DAAM1: variants seen among roughly 807,000 people sequenced by gnomAD.
DAAM1 encodes disheveled-associated activator of morphogenesis 1.
Under a neutral mutation model 130.0 loss-of-function variants are expected in DAAM1, and 52 were observed. The observed-to-expected ratio is 0.40, with a 90% CI of 0.32 to 0.50. The LOEUF (loss-of-function observed/expected upper bound fraction) is 0.50. Ranked by LOEUF, DAAM1 falls within the 20% of genes least tolerant of loss-of-function variation. The probability of loss-of-function intolerance (pLI) is 0.61; values close to 1 mark genes in which losing one functional copy is unlikely to be tolerated. For synonymous variants in DAAM1, 452 were observed against 444.5 expected (o/e 1.02, Z -0.21); for missense variants, 1,134 against 1,303.8 (o/e 0.87, Z 2.01).
intron 1 of DAAM1, among the ~76,000 whole-genome samples, chr14:59,218,840 T>C (rs987432514): frequency 3.3e-5 from 5 of 152,188 alleles, no homozygotes; most frequent in Non-Finnish European, 7.3e-5. Context: ...AGTTATAAAT[T>C]TATAAATACA....
At chr14:59,267,601 A>G (rs1298045559) in intron 2 of DAAM1, among the ~76,000 whole-genome samples, 1 of 152,198 alleles carries the variant, frequency 6.6e-6, no homozygotes, top group African/African-American at 2.4e-5. Flanking sequence ...GAATTGTGCA[A>G]CCATTACCAA....
chr14:59,207,095 G>A (rs911653727), intron 1 of DAAM1, among the ~76,000 whole-genome samples: 7 of 152,094 alleles, frequency 4.6e-5, no homozygotes, highest in African/African-American at 7.2e-5. Flanking sequence ...GTTAAGGGTC[G>A]TTCACAGGAG....
Position 59,326,993 on chromosome 14 carries a change from T to C in DAAM1, c.1372+2T>C. Reference sequence around the variant, plus strand: ...AACAAGCGGAAAAAATGAGAAAAGGTAAATAATGAGGCCCTGATAAGAGGC... The same window carrying C: ...AACAAGCGGAAAAAATGAGAAAAGGCAAATAATGAGGCCCTGATAAGAGGC... On this transcript the variant is annotated splice_donor_variant, in intron 12 of 24. Coordinates refer to ENST00000360909, the MANE Select transcript of DAAM1 (RefSeq NM_001270520.2). LOFTEE classifies it high-confidence loss of function. 6.2e-7 allele frequency: 1 copy of C among 1,613,922 alleles called. No homozygotes were observed. Among genetic ancestry groups the C allele is most frequent in the East Asian group, 2.2e-5 (1 of 44,826 alleles).
chr14:59,234,559 A>G (rs1465753519), intron 1 of DAAM1, among the ~76,000 whole-genome samples: 1 of 152,150 alleles, frequency 6.6e-6, no homozygotes, highest in Non-Finnish European at 1.5e-5. Flanking sequence ...ATATACAATC[A>G]TGTCATCTGC....
rs542983519 is a variant in DAAM1 at position 59,369,531 on chromosome 14, A to AT, written c.*678dup. On this transcript the variant is annotated 3_prime_UTR_variant, in exon 25 of 25. Coordinates refer to ENST00000360909, the MANE Select transcript of DAAM1 (RefSeq NM_001270520.2). Reference sequence around the variant, plus strand: ...TTGTATATTTAAAAGTTGGACATCAATTTTTTCCCCTGATTTCATCAAGTT... The same window carrying AT: ...TTGTATATTTAAAAGTTGGACATCAATTTTTTTCCCCTGATTTCATCAAGTT... The AT allele has an allele frequency of 2.4e-4, 37 of 152,502 alleles. No homozygotes were observed. Among genetic ancestry groups the AT allele is most frequent in the East Asian group, 7.7e-4 (4 of 5,178 alleles). The allele number at this position is 152,502 out of a possible 1,614,324, so 9.4% of individuals were successfully genotyped here. A position where few individuals can be genotyped will look rare whatever the true frequency, so the allele number is the denominator to read the frequency against.
chr14:59,368,999 A>T lies in DAAM1; in HGVS notation c.*140A>T. The T allele has an allele frequency of 1.4e-6, 1 of 690,846 alleles. No individual in the cohort carries two copies. 42.8% of individuals were successfully genotyped at this position (690,846 alleles called of 1,614,324 possible). A position where few individuals can be genotyped will look rare whatever the true frequency, so the allele number is the denominator to read the frequency against. On this transcript the variant is annotated 3_prime_UTR_variant, in exon 25 of 25. Transcript: ENST00000360909. ...AGTGAATGTGTGAACGTGTGTATGT[A>T]AATGTATGTGTGTATATATTAAAAA...
At chr14:59,357,855 G>A (rs532709604) in intron 20 of DAAM1, among the ~76,000 whole-genome samples, 8 of 152,238 alleles carry the variant, frequency 5.3e-5, no homozygotes, top group East Asian at 3.9e-4. Context: ...GTTGGCCACT[G>A]TTTTGCTTTG....
At chr14:59,305,012 A>G (rs61984463) in intron 3 of DAAM1, among the ~76,000 whole-genome samples, 10,669 of 152,280 alleles carry the variant, frequency 0.07, 452 homozygotes, top group Non-Finnish European at 0.098. Flanking sequence ...ATCAAAACCT[A>G]CTTTATGACA....
chr14:59,260,452 A>AT (rs1882115257), intron 1 of DAAM1, among the ~76,000 whole-genome samples: 2 of 151,684 alleles, frequency 1.3e-5, no homozygotes, highest in Non-Finnish European at 2.9e-5. Context: ...ATATATGTAA[A>AT]TTTTTTCTCA....
intron 3 of DAAM1, among the ~76,000 whole-genome samples, chr14:59,307,007 T>C (rs1446822604): frequency 1.3e-5 from 2 of 152,214 alleles, no homozygotes; most frequent in Non-Finnish European, 2.9e-5. Context: ...AGAGTATTAG[T>C]CATGCAGTGT....
At chr14:59,236,656 A>C (rs1026621214) in intron 1 of DAAM1, among the ~76,000 whole-genome samples, 2 of 152,024 alleles carry the variant, frequency 1.3e-5, no homozygotes, top group Admixed American at 6.6e-5. Context: ...ATCCATCTGA[A>C]ATTAGAGTGA....
chr14:59,287,940 C>T (rs564714193), intron 2 of DAAM1, among the ~76,000 whole-genome samples: 1 of 152,150 alleles, frequency 6.6e-6, no homozygotes, highest in Admixed American at 6.6e-5. Context: ...TCATATAGAA[C>T]CAAAGAGGAG....
chr14:59,265,823 CA>C, intron 2 of DAAM1: 1 of 152,498 alleles, frequency 6.6e-6, no homozygotes, highest in Non-Finnish European at 1.5e-5. Context: ...GGAGGAAAGG[CA>C]AACCTGGCAA....
At chr14:59,261,554 A>G (rs1333365861) in intron 1 of DAAM1, among the ~76,000 whole-genome samples, 10 of 152,214 alleles carry the variant, frequency 6.6e-5, no homozygotes, top group Non-Finnish European at 2.9e-5. Context: ...CAGTTACAGC[A>G]TCATTGTGGA....
chr14:59,342,369 T>C (rs1215161267), intron 16 of DAAM1, among the ~76,000 whole-genome samples: 1 of 152,202 alleles, frequency 6.6e-6, no homozygotes, highest in Non-Finnish European at 1.5e-5. Context: ...TTTTACTCTC[T>C]CATCAGGAAA....
chr14:59,349,900 T>C (rs1566718181), intron 17 of DAAM1, among the ~76,000 whole-genome samples: 1 of 152,114 alleles, frequency 6.6e-6, no homozygotes, highest in Non-Finnish European at 1.5e-5. Flanking sequence ...ACAAGTGGGC[T>C]CAGCACAAGT....
intron 3 of DAAM1, among the ~76,000 whole-genome samples, chr14:59,310,590 G>A (rs764374472): frequency 6.6e-6 from 1 of 152,172 alleles, no homozygotes; most frequent in Admixed American, 6.5e-5. Flanking sequence ...CCTTTCCCCT[G>A]TAATGAAAAT....
intron 1 of DAAM1, among the ~76,000 whole-genome samples, chr14:59,201,222 T>G (rs1190351914): frequency 8.5e-6 from 1 of 118,012 alleles, no homozygotes; most frequent in African/African-American, 3.3e-5. Flanking sequence ...AAGGGGAAAA[T>G]AGGTGAGAAG....
intron 3 of DAAM1, among the ~76,000 whole-genome samples, chr14:59,303,916 A>G (rs915991734): frequency 6.6e-6 from 1 of 152,134 alleles, no homozygotes; most frequent in African/African-American, 2.4e-5. Context: ...AAAATAAATA[A>G]AATAAAATAA....
Sources: allele counts gnomAD v4.1 joint callset (sites outside exome capture counted in the v4.1 genomes callset), GRCh38; gene constraint gnomAD v4.1.1; transcripts MANE v1.5; gene names NCBI Gene and HGNC (gene_info 2026-07-23, HGNC 2026-07-21).